Variants in OPCML observed in about 807,000 individuals in gnomAD.
OPCML encodes the protein opioid binding protein/cell adhesion molecule like.
In OPCML, 13 loss-of-function variants were observed where a neutral mutation model predicts 37.8. That is an observed-to-expected ratio of 0.34 (90% CI 0.22 to 0.55). The LOEUF (loss-of-function observed/expected upper bound fraction) is 0.55. Ranked by LOEUF, OPCML falls within the 20% of genes least tolerant of loss-of-function variation. The pLI, the probability that OPCML is intolerant of heterozygous loss-of-function variation, is 0.91. For synonymous variants in OPCML, 176 were observed against 168.8 expected (o/e 1.04, Z -0.33); for missense variants, 341 against 435.6 (o/e 0.78, Z 1.93).
At chr11:133,357,141 T>G (rs1944307263) in intron 1 of OPCML, among the ~76,000 whole-genome samples, 3 of 152,182 alleles carry the variant, frequency 2.0e-5, no homozygotes, top group Admixed American at 2.0e-4. Flanking sequence ...AAAAAATAAC[T>G]GTTATGTATT....
At chr11:132,475,882 C>T (rs2096153671) in intron 4 of OPCML, among the ~76,000 whole-genome samples, 1 of 152,134 alleles carries the variant, frequency 6.6e-6, no homozygotes, top group South Asian at 2.1e-4. Flanking sequence ...ACAGATATTT[C>T]ATCTGTATAC....
At chr11:133,207,921 C>T (rs555748581) in intron 1 of OPCML, among the ~76,000 whole-genome samples, 67 of 152,070 alleles carry the variant, frequency 4.4e-4, no homozygotes, top group African/African-American at 8.2e-4. Flanking sequence ...TTTACTTCGC[C>T]GCAGGGTCTT....
intron 2 of OPCML, among the ~76,000 whole-genome samples, chr11:132,826,007 C>G (rs1565891672): frequency 1.3e-5 from 2 of 152,190 alleles, no homozygotes; most frequent in South Asian, 2.1e-4. Flanking sequence ...TTTCCAGACT[C>G]TTTCAGAATA....
chr11:133,459,920 A>G (rs1040482342), intron 1 of OPCML, among the ~76,000 whole-genome samples: 3 of 151,964 alleles, frequency 2.0e-5, no homozygotes, highest in Non-Finnish European at 4.4e-5. Flanking sequence ...CAGAATATAC[A>G]TTTTCTCCAG....
rs1176855784 is a variant in OPCML at position 132,485,793 on chromosome 11, A to G, written c.505+43268T>C. On this transcript the variant is annotated intron_variant, in intron 4 of 7. Transcript: ENST00000524381. ...GAATACAGCATCATTTGTGTACCCA[A>G]TCTTCCAATGGTAGTCCATGTACCC... 3.3e-5 allele frequency among the ~76,000 whole-genome samples: 5 copies of G among 152,296 alleles called. No individual in the cohort carries two copies. The East Asian group carries it at 7.7e-4, about 24-fold the overall frequency.
intron 2 of OPCML, among the ~76,000 whole-genome samples, chr11:132,728,340 C>G (rs1305048491): frequency 6.6e-6 from 1 of 152,146 alleles, no homozygotes; most frequent in Non-Finnish European, 1.5e-5. Flanking sequence ...GGAGTCATGT[C>G]AACTCACTGG....
At chr11:133,055,783 C>G (rs982635039) in intron 1 of OPCML, among the ~76,000 whole-genome samples, 1 of 151,366 alleles carries the variant, frequency 6.6e-6, no homozygotes, top group Non-Finnish European at 1.5e-5. Flanking sequence ...GGAGCCACCT[C>G]TACTGTACAA....
intron 3 of OPCML, among the ~76,000 whole-genome samples, chr11:132,540,866 T>C (rs1435206751): frequency 6.6e-6 from 1 of 152,208 alleles, no homozygotes; most frequent in African/African-American, 2.4e-5. Flanking sequence ...TCAGAGGAAC[T>C]GAATGCAGCA....
intron 4 of OPCML, among the ~76,000 whole-genome samples, chr11:132,526,146 G>A: frequency 6.6e-6 from 1 of 152,102 alleles, no homozygotes; most frequent in East Asian, 1.9e-4. Context: ...TCTTACCAGT[G>A]TACCATTATA....
Position 132,767,027 on chromosome 11 carries a change from TTATC to T in OPCML, c.147-109712_147-109709del, listed in dbSNP as rs918787287. The stretch of plus-strand genomic sequence containing the variant: ...ACACAGATATGTACATTATCTATGT[TTATC>T]TATCTATCTATCTACCCATCTCTCC... On this transcript the variant is annotated intron_variant, in intron 2 of 7. Transcript: ENST00000524381. Among the ~76,000 whole-genome samples, 83 of 152,244 alleles carry T rather than the reference TTATC, an allele frequency of 5.5e-4. 1 individual carries two copies. The highest frequency in any genetic ancestry group is 2.5e-3 in the South Asian group (12 of 4,824).
intron 1 of OPCML, chr11:133,302,216 G>A (rs1455536291): frequency 6.6e-6 from 1 of 152,088 alleles, no homozygotes; most frequent in Non-Finnish European, 1.5e-5. Flanking sequence ...CTCATTTCCA[G>A]GGCAGGACCA....
intron 2 of OPCML, among the ~76,000 whole-genome samples, chr11:132,719,465 C>T (rs1195455398): frequency 2.0e-5 from 3 of 152,152 alleles, no homozygotes; most frequent in African/African-American, 7.2e-5. Context: ...AGGGCTTTCC[C>T]TTACTTCTCC....
At chr11:133,026,311 A>G (rs191986482) in intron 1 of OPCML, 1 of 914,932 alleles carries the variant, frequency 1.1e-6, no homozygotes, top group East Asian at 1.2e-4. Flanking sequence ...GGGCTTGTTC[A>G]GCTGTCAACA....
intron 2 of OPCML, among the ~76,000 whole-genome samples, chr11:132,809,918 C>T (rs1381154385): frequency 6.6e-6 from 1 of 152,152 alleles, no homozygotes; most frequent in Non-Finnish European, 1.5e-5. Flanking sequence ...GGCGCGATCT[C>T]GGCTCACTGC....
chr11:132,684,945 C>A (rs959228696), intron 2 of OPCML, among the ~76,000 whole-genome samples: 1 of 152,196 alleles, frequency 6.6e-6, no homozygotes, highest in African/African-American at 2.4e-5. Context: ...AAGTCAGCAT[C>A]TCTTCTGTAC....
intron 1 of OPCML, among the ~76,000 whole-genome samples, chr11:133,348,377 G>A (rs1944049620): frequency 6.6e-6 from 1 of 152,196 alleles, no homozygotes; most frequent in African/African-American, 2.4e-5. Context: ...CATCGAGCAG[G>A]TGCTGCGTAA....
intron 2 of OPCML, among the ~76,000 whole-genome samples, chr11:132,908,629 C>T (rs1180321106): frequency 6.6e-6 from 1 of 152,204 alleles, no homozygotes; most frequent in Non-Finnish European, 1.5e-5. Flanking sequence ...GTGGTCACCA[C>T]CCCCGGATTG....
intron 1 of OPCML, among the ~76,000 whole-genome samples, chr11:133,072,044 G>A (rs778091981): frequency 3.1e-4 from 47 of 152,090 alleles, no homozygotes; most frequent in Middle Eastern, 3.2e-3. Context: ...AAGGATCATC[G>A]TGCACTTGTT....
intron 1 of OPCML, among the ~76,000 whole-genome samples, chr11:133,445,046 T>C (rs1356611471): frequency 8.1e-6 from 1 of 123,538 alleles, no homozygotes; most frequent in Non-Finnish European, 1.6e-5. Flanking sequence ...CCACACCCCA[T>C]CTACACAATT....
Sources: allele counts gnomAD v4.1 joint callset (sites outside exome capture counted in the v4.1 genomes callset), GRCh38; gene constraint gnomAD v4.1.1; transcripts MANE v1.5; gene names NCBI Gene and HGNC (gene_info 2026-07-23, HGNC 2026-07-21).